The following DMD variants were observed in gnomAD, a reference collection of about 807,000 sequenced individuals.
DMD encodes the protein mutant dystrophin.
A neutral mutation model predicts 330.1 loss-of-function variants in DMD; 63 were observed. That is an observed-to-expected ratio of 0.19 (90% CI 0.16 to 0.24). DMD has a LOEUF of 0.24. Among genes scored for constraint, DMD ranks in the 10% least tolerant of loss-of-function variants. DMD has a pLI of 1.00. For synonymous variants in DMD, 1,223 were observed against 959.8 expected (o/e 1.27, Z -5.07); for missense variants, 3,344 against 2,684.1 (o/e 1.25, Z -5.43).
At chrX:32,937,985 A>G (rs1316955597) in intron 2 of DMD, among the ~76,000 whole-genome samples, 1 of 111,426 alleles carries the variant, frequency 9.0e-6, no homozygotes, top group Non-Finnish European at 1.9e-5. Flanking sequence ...AACGTTGGAT[A>G]CACATTAAAA....
At chrX:32,598,554 T>C (rs1187139810) in intron 12 of DMD, among the ~76,000 whole-genome samples, 1 of 112,220 alleles carries the variant, frequency 8.9e-6, no homozygotes, top group East Asian at 2.8e-4. Flanking sequence ...AAGTAAATAA[T>C]GCCAGTTTTC....
chrX:33,105,096 T>C (rs1450270308), intron 1 of DMD, among the ~76,000 whole-genome samples: 1 of 112,087 alleles, frequency 8.9e-6, no homozygotes, highest in Non-Finnish European at 1.9e-5. Context: ...ACCATTGGAA[T>C]AGAATAGAGA....
intron 1 of DMD, among the ~76,000 whole-genome samples, chrX:33,283,219 T>A (rs1452389026): frequency 8.9e-6 from 1 of 112,215 alleles, no homozygotes; most frequent in Non-Finnish European, 1.9e-5. Context: ...TAAGTACATG[T>A]CAGCCTTTGA....
At chrX:33,147,152 CTTTCT>C (rs2048075526) in intron 1 of DMD, among the ~76,000 whole-genome samples, 1 of 111,780 alleles carries the variant, frequency 8.9e-6, no homozygotes, top group Non-Finnish European at 1.9e-5. Flanking sequence ...TCCTGCTCTC[CTTTCT>C]TTTGTCTGTT....
chrX:31,651,336 C>A (rs779321195), intron 54 of DMD, among the ~76,000 whole-genome samples: 1 of 111,339 alleles, frequency 9.0e-6, no homozygotes, highest in South Asian at 3.8e-4. Context: ...GAAGTTGACA[C>A]TGAGGAGTCT....
intron 13 of DMD, among the ~76,000 whole-genome samples, chrX:32,583,234 G>A (rs1044310906): frequency 9.0e-6 from 1 of 111,685 alleles, no homozygotes; most frequent in African/African-American, 3.3e-5. Flanking sequence ...GGTAGCTCAC[G>A]CCTGCAATCC....
chrX:32,129,829 T>C (rs1325231076), intron 44 of DMD, among the ~76,000 whole-genome samples: 1 of 108,229 alleles, frequency 9.2e-6, no homozygotes, highest in African/African-American at 3.4e-5. Flanking sequence ...GCCAACGAGT[T>C]TGGGTCATTT....
rs748997922 is a variant in DMD at position 32,233,759 on chromosome X, A to T, written c.6291-16696T>A. 5.3e-4 allele frequency among the ~76,000 whole-genome samples: 58 copies of T among 108,804 alleles called. No individual in the cohort carries two copies. The South Asian group carries it at 0.022, about 41-fold the overall frequency. The allele number at this position is 108,804 out of a possible 115,157, so 94.5% of individuals were successfully genotyped here. ...GAGATTCTCTTGCCTTAGCCTCCTG[A>T]GTAGCTGGGGTTACAGGCATGCGCC... On this transcript the variant is annotated intron_variant, in intron 43 of 78. Coordinates refer to ENST00000357033, the MANE Select transcript of DMD (RefSeq NM_004006.3).
chrX:31,340,776 C>G (rs2057686998), intron 61 of DMD, among the ~76,000 whole-genome samples: 1 of 112,046 alleles, frequency 8.9e-6, no homozygotes, highest in Non-Finnish European at 1.9e-5. Context: ...GTGAATTTAC[C>G]TCTTCTTCTT....
At chrX:31,268,819 G>C (rs1321715117) in intron 62 of DMD, among the ~76,000 whole-genome samples, 2 of 112,101 alleles carry the variant, frequency 1.8e-5, no homozygotes, top group African/African-American at 6.5e-5. Flanking sequence ...TGGATAGTAA[G>C]ACATTTGTCA....
At chrX:32,154,887 ACT>A in intron 44 of DMD, among the ~76,000 whole-genome samples, 1 of 110,098 alleles carries the variant, frequency 9.1e-6, no homozygotes. Context: ...TTACTGTTAA[ACT>A]CTATTGTTCC....
intron 2 of DMD, among the ~76,000 whole-genome samples, chrX:32,931,746 C>A: frequency 9.0e-6 from 1 of 111,392 alleles, no homozygotes; most frequent in East Asian, 2.8e-4. Flanking sequence ...GAGTGAAGAC[C>A]AAATGCCAGC....
intron 23 of DMD, among the ~76,000 whole-genome samples, chrX:32,466,531 G>A (rs1271119758): frequency 9.0e-6 from 1 of 111,261 alleles, no homozygotes; most frequent in Non-Finnish European, 1.9e-5. Flanking sequence ...CTTTGCAGAT[G>A]TGATTACATT....
rs774669889 is a variant in DMD at position 31,215,042 on chromosome X, C to T, written c.9362-5343G>A. ...CTGCAAGCTCCGCCTCCCAGGTTCACGCCATTCTCCTGCCTCAGACTCCCG... is the reference window on the plus strand; with the variant it reads ...CTGCAAGCTCCGCCTCCCAGGTTCATGCCATTCTCCTGCCTCAGACTCCCG... On this transcript the variant is annotated intron_variant, in intron 64 of 78. Coordinates refer to ENST00000357033, the MANE Select transcript of DMD (RefSeq NM_004006.3). 7.8e-4 allele frequency among the ~76,000 whole-genome samples: 78 copies of T among 99,732 alleles called. 1 individual carries two copies. Among genetic ancestry groups the T allele is most frequent in the African/African-American group, 2.8e-3 (77 of 27,077 alleles). The allele number at this position is 99,732 out of a possible 115,157, so 86.6% of individuals were successfully genotyped here. A position where few individuals can be genotyped will look rare whatever the true frequency, so the allele number is the denominator to read the frequency against.
chrX:32,754,707 C>T (rs761464083), intron 7 of DMD, among the ~76,000 whole-genome samples: 8 of 111,418 alleles, frequency 7.2e-5, no homozygotes, highest in South Asian at 3.8e-4. Context: ...GAAATTTTCA[C>T]GGCAAATCTG....
At chrX:33,276,507 G>C (rs1464924114) in intron 1 of DMD, among the ~76,000 whole-genome samples, 1 of 111,178 alleles carries the variant, frequency 9.0e-6, no homozygotes, top group Non-Finnish European at 1.9e-5. Flanking sequence ...AAAGTCCAGA[G>C]AGCACGAAAC....
At chrX:32,837,311 A>G (rs910526692) in intron 4 of DMD, among the ~76,000 whole-genome samples, 3 of 111,990 alleles carry the variant, frequency 2.7e-5, no homozygotes, top group African/African-American at 9.7e-5. Flanking sequence ...ACTTCTGGTT[A>G]GACTAAACTA....
rs777215504 is a variant in DMD at position 32,375,570 on chromosome X, T to G, written c.4845+4940A>C. Among the ~76,000 whole-genome samples the G allele has an allele frequency of 3.6e-5, 4 of 112,244 alleles. No homozygotes were observed. The South Asian group carries it at 1.5e-3, about 41-fold the overall frequency. On this transcript the variant is annotated intron_variant, in intron 34 of 78. Transcript: ENST00000357033. ...AAAGTATACCAAATGTAATCATTAC[T>G]TCTGTATGCATAACTCATCTTAAGG...
At chrX:31,332,410 C>T (rs1405288474) in intron 61 of DMD, among the ~76,000 whole-genome samples, 2 of 111,646 alleles carry the variant, frequency 1.8e-5, no homozygotes, top group African/African-American at 6.5e-5. Context: ...ATTGTGGATA[C>T]AGCTGACAGA....
Sources: gnomAD v4.1 joint callset for allele counts (sites outside exome capture counted in the v4.1 genomes callset) on GRCh38, gnomAD v4.1.1 for gene constraint, MANE v1.5 for transcripts, NCBI Gene and HGNC (gene_info 2026-07-23, HGNC 2026-07-21) for gene names.